Variants in KIAA0586 observed in about 807,000 individuals in gnomAD.
KIAA0586 encodes the protein KIAA0586.
KIAA0586 carries 144 observed loss-of-function variants against 169.8 expected under a neutral mutation model. That is an observed-to-expected ratio of 0.85 (90% CI 0.74 to 0.97). KIAA0586 has a LOEUF of 0.97. Ranked by LOEUF, KIAA0586 falls within the 50% of genes least tolerant of loss-of-function variation. KIAA0586 has a pLI of 0.00. For synonymous variants in KIAA0586, 625 were observed against 612.4 expected (o/e 1.02, Z -0.30); for missense variants, 1,854 against 1,823.0 (o/e 1.02, Z -0.31).
chr14:58,488,597 C>T, intron 23 of KIAA0586, 24 bp from the exon 24 acceptor site: 1 of 1,611,488 alleles, frequency 6.2e-7, no homozygotes, highest in Non-Finnish European at 8.5e-7. Flanking sequence ...CTAACAAGCT[C>T]CAAATATGTC....
intron 14 of KIAA0586, among the ~76,000 whole-genome samples, chr14:58,463,680 TAGC>T (rs1315119435): frequency 1.3e-5 from 2 of 151,948 alleles, no homozygotes; most frequent in Non-Finnish European, 2.9e-5. Flanking sequence ...TTAAAAAAAT[TAGC>T]AGGGCATGCC....
intron 29 of KIAA0586, chr14:58,521,962 G>C: frequency 7.3e-7 from 1 of 1,371,564 alleles, no homozygotes; most frequent in South Asian, 1.2e-5. Context: ...GGATGACAGA[G>C]ACAGCACCAA....
In KIAA0586 at chr14:58,532,085, A is replaced by G. The variant is rs558015905; in HGVS notation, c.4430-7986A>G. 5.9e-5 allele frequency among the ~76,000 whole-genome samples: 9 copies of G among 152,204 alleles called. No individual in the cohort carries two copies. The South Asian group carries it at 1.9e-3, about 32-fold the overall frequency. ...GCGTTAGGAGAAATACCTAATGTAGATGATGGGTTGATGGGTGCAGCAAAC... is the reference window on the plus strand; with the variant it reads ...GCGTTAGGAGAAATACCTAATGTAGGTGATGGGTTGATGGGTGCAGCAAAC... On this transcript the variant is annotated intron_variant, in intron 29 of 30. Coordinates refer to ENST00000652326, the MANE Select transcript of KIAA0586 (RefSeq NM_001329943.3).
rs10146646 is a variant in KIAA0586, at chr14:58,444,514, C to T, written c.807+339C>T. On this transcript the variant is annotated intron_variant, in intron 6 of 30. Coordinates refer to ENST00000652326, the MANE Select transcript of KIAA0586 (RefSeq NM_001329943.3). Reference sequence around the variant, plus strand: ...TCTCCAGTCACTACAACCTCCACCTCCTGGGTTCAGGAGATTTTCCTGCCT... The same window carrying T: ...TCTCCAGTCACTACAACCTCCACCTTCTGGGTTCAGGAGATTTTCCTGCCT... Among the ~76,000 whole-genome samples, 14,595 of 152,150 alleles carry T rather than the reference C, an allele frequency of 0.096. 905 individuals carry two copies. The highest frequency in any genetic ancestry group is 0.17 in the African/African-American group (7,235 of 41,456).
At position 58,456,743 on chromosome 14, in the gene KIAA0586, T is replaced by C. The variant is rs1379631817; in HGVS notation, c.1295T>C (p.Met432Thr). 6.2e-7 allele frequency: 1 copy of C among 1,606,218 alleles called. No individual in the cohort carries two copies. Among genetic ancestry groups the C allele is most frequent in the Non-Finnish European group, 8.5e-7 (1 of 1,175,846 alleles). Reference protein sequence around the residue: ...CEELETTKVTMQKSDDVLHDL... With the variant: ...CEELETTKVTTQKSDDVLHDL... Reference sequence around the variant, plus strand: ...GAGCTAGAAACAACTAAAGTGACTATGCAGAAGTCTGATGATGTTCTTCAT... The same window carrying C: ...GAGCTAGAAACAACTAAAGTGACTACGCAGAAGTCTGATGATGTTCTTCAT... The change falls in exon 10 of 31, where the codon ATG becomes ACG. Residue 432 changes from methionine to threonine, a missense_variant. Transcript: ENST00000652326.
In KIAA0586 at chr14:58,441,251, T is replaced by TGG. The variant is rs1201009622; in HGVS notation, c.411-1455_411-1454insGG. The TGG allele has an allele frequency of 4.7e-6, 2 of 429,146 alleles. No individual in the cohort carries two copies. The highest frequency in any genetic ancestry group is 9.3e-6 in the Non-Finnish European group (2 of 214,668). The allele number at this position is 429,146 out of a possible 1,614,324, so 26.6% of individuals were successfully genotyped here. A position where few individuals can be genotyped will look rare whatever the true frequency, so the allele number is the denominator to read the frequency against. ...CACTTTGTCTCACAGGCTGGAGTGA[T>TGG]CACAGTGGGGTGATCACAACTCACT... On this transcript the variant is annotated intron_variant, in intron 4 of 30. Transcript: ENST00000652326.
At chr14:58,496,926 C>T (rs942878849) in intron 26 of KIAA0586, among the ~76,000 whole-genome samples, 3 of 151,274 alleles carry the variant, frequency 2.0e-5, no homozygotes, top group Admixed American at 2.0e-4. Flanking sequence ...AAATAGGAGT[C>T]TTATATTTTT....
chr14:58,489,776 T>G (rs1017528698), intron 24 of KIAA0586, among the ~76,000 whole-genome samples: 1 of 149,656 alleles, frequency 6.7e-6, no homozygotes, highest in African/African-American at 2.5e-5. Flanking sequence ...GAGTCTACTT[T>G]AAAGATGCAT....
Position 58,427,825 on chromosome 14 carries a change from T to C in KIAA0586, c.-440T>C. On this transcript the variant is annotated 5_prime_UTR_variant, in exon 1 of 31. Coordinates refer to ENST00000652326, the MANE Select transcript of KIAA0586 (RefSeq NM_001329943.3). ...TTGCATCTGGAGGGGTGTGTAAGAC[T>C]CTGTGGCTGAAGAAAGCTATTACGC... 6.9e-7 allele frequency: 1 copy of C among 1,448,264 alleles called. No individual in the cohort carries two copies. The highest frequency in any genetic ancestry group is 9.1e-7 in the Non-Finnish European group (1 of 1,104,254). The allele number at this position is 1,448,264 out of a possible 1,614,324, so 89.7% of individuals were successfully genotyped here. A position where few individuals can be genotyped will look rare whatever the true frequency, so the allele number is the denominator to read the frequency against.
chr14:58,444,372 C>T lies in KIAA0586; in HGVS notation c.807+197C>T, dbSNP rs551340688. Among the ~76,000 whole-genome samples the T allele has an allele frequency of 1.6e-4, 24 of 152,118 alleles. No individual in the cohort carries two copies. In the South Asian group the frequency reaches 3.9e-3, roughly 25 times the overall value. On this transcript the variant is annotated intron_variant, in intron 6 of 30. Transcript: ENST00000652326. ...TCAAATGTCACTAGTTGTGTGAGAC[C>T]TCTCCCTCTAGTTGGCTTTTCCTCC...
In KIAA0586 at chr14:58,538,605, C is replaced by T. The variant is rs375432228; in HGVS notation, c.4430-1466C>T. Among the ~76,000 whole-genome samples, 137 of 151,754 alleles carry T rather than the reference C, an allele frequency of 9.0e-4. 1 individual carries two copies. The highest frequency in any genetic ancestry group is 6.9e-3 in the Middle Eastern group (2 of 288). On this transcript the variant is annotated intron_variant, in intron 29 of 30. Transcript: ENST00000652326. Reference sequence around the variant, plus strand: ...TTATACTCAGTTATTTTAAAATGTGCAATTAAATTATTTTTTACTATAGTC... The same window carrying T: ...TTATACTCAGTTATTTTAAAATGTGTAATTAAATTATTTTTTACTATAGTC...
intron 30 of KIAA0586, among the ~76,000 whole-genome samples, chr14:58,543,386 C>G (rs2140123583): frequency 6.6e-6 from 1 of 152,316 alleles, no homozygotes; most frequent in East Asian, 1.9e-4. Flanking sequence ...CCTTTGTTTT[C>G]TTCACTGCTG....
chr14:58,536,299 C>G lies in KIAA0586; in HGVS notation c.4430-3772C>G, dbSNP rs57991477. On this transcript the variant is annotated intron_variant, in intron 29 of 30. Transcript: ENST00000652326. The stretch of plus-strand genomic sequence containing the variant: ...TAGGTTATTTTTCAACCCTGCCCCC[C>G]CTTCGCTGGCTTTTGGAGTTTTCAT... Among the ~76,000 whole-genome samples, 24 of 152,058 alleles carry G rather than the reference C, an allele frequency of 1.6e-4. 1 individual carries two copies. The highest frequency in any genetic ancestry group is 3.3e-4 in the Admixed American group (5 of 15,270).
chr14:58,470,857 ATTT>A, intron 17 of KIAA0586, 134 bp downstream of exon 17: 1 of 414,650 alleles, frequency 2.4e-6, no homozygotes, highest in South Asian at 2.9e-5. Flanking sequence ...ATTGAAAACA[ATTT>A]TTTTTTTTTC....
At chr14:58,494,808 T>A (rs916130774) in intron 26 of KIAA0586, among the ~76,000 whole-genome samples, 1 of 152,138 alleles carries the variant, frequency 6.6e-6, no homozygotes, top group African/African-American at 2.4e-5. Context: ...TCTATAGTTG[T>A]CACCATAGCT....
intron 29 of KIAA0586, among the ~76,000 whole-genome samples, chr14:58,536,773 GTTC>G (rs1449951651): frequency 2.8e-4 from 43 of 151,966 alleles, no homozygotes; most frequent in Admixed American, 2.8e-3. Flanking sequence ...AAGTTCACTT[GTTC>G]TTTATTTTGT....
intron 26 of KIAA0586, among the ~76,000 whole-genome samples, chr14:58,496,440 T>C (rs1269569809): frequency 1.3e-5 from 2 of 152,240 alleles, no homozygotes; most frequent in Non-Finnish European, 2.9e-5. Flanking sequence ...ATAGGCATTG[T>C]GAAATATTTC....
chr14:58,449,808 A>G (rs2039203972), intron 7 of KIAA0586, among the ~76,000 whole-genome samples: 1 of 152,192 alleles, frequency 6.6e-6, no homozygotes, highest in Non-Finnish European at 1.5e-5. Flanking sequence ...GTTTTCATGA[A>G]AAAGGTGTCT....
chr14:58,461,200 A>G (rs2040296764), intron 14 of KIAA0586, 40 bp downstream of exon 14: 4 of 1,371,140 alleles, frequency 2.9e-6, no homozygotes, highest in Non-Finnish European at 9.8e-7. Flanking sequence ...TCATTTCTTA[A>G]TAGTATCAGT....
Sources: allele counts gnomAD v4.1 joint callset (sites outside exome capture counted in the v4.1 genomes callset), GRCh38; gene constraint gnomAD v4.1.1; transcripts MANE v1.5; gene names NCBI Gene and HGNC (gene_info 2026-07-23, HGNC 2026-07-21).